The following YEATS2 variants were observed in gnomAD, a reference collection of about 807,000 sequenced individuals.
YEATS2 encodes the protein YEATS domain-containing protein 2.
In YEATS2, 77 loss-of-function variants were observed where a neutral mutation model predicts 163.2. The observed-to-expected ratio is 0.47, with a 90% confidence interval of 0.39 to 0.57. The LOEUF (loss-of-function observed/expected upper bound fraction) is 0.57, where lower values mean the gene tolerates loss of function less well. Ranked by LOEUF, YEATS2 falls within the 20% of genes least tolerant of loss-of-function variation. The probability of loss-of-function intolerance (pLI) is 0.00; values close to 1 mark genes in which losing one functional copy is unlikely to be tolerated. For synonymous variants in YEATS2, 631 were observed against 645.1 expected, an observed-to-expected ratio of 0.98 and a Z score of 0.33; for missense variants, 1,549 against 1,729.8, an observed-to-expected ratio of 0.90 and a Z score of 1.85.
At chr3:183,774,613 A>T (rs930193106) in intron 17 of YEATS2, among the ~76,000 whole-genome samples, 1 of 152,230 alleles carries the variant, frequency 6.6e-6, no homozygotes, top group Non-Finnish European at 1.5e-5. Context: ...GTTTATCTGC[A>T]GTTAAAGAAA....
chr3:183,758,782 GGGA>G, intron 12 of YEATS2, 77 bp from the exon 13 acceptor site: 3 of 949,784 alleles, frequency 3.2e-6, no homozygotes, highest in Non-Finnish European at 3.3e-6. Context: ...TGCGAAAGAG[GGGA>G]GGATGGTAGA....
chr3:183,770,160 G>A (rs536895679), intron 15 of YEATS2, among the ~76,000 whole-genome samples: 11 of 151,594 alleles, frequency 7.3e-5, no homozygotes, highest in Admixed American at 1.3e-4. Context: ...AGGCCGAGGC[G>A]GGCGGATCAC....
Position 183,790,789 on chromosome 3 carries a change from G to A in YEATS2, c.2914-8G>A, listed in dbSNP as rs370202265. 1.9e-6 allele frequency: 3 copies of A among 1,612,196 alleles called. No homozygotes were observed. The highest frequency in any genetic ancestry group is 2.7e-5 in the African/African-American group (2 of 74,880). ...AACTGTGTTGTTTCGGACCCCATGG[G>A]TGAGCAGTCTGAAGGAATGGCTCCC... On this transcript the variant is annotated splice_region_variant and splice_polypyrimidine_tract_variant and intron_variant, in intron 20 of 30. Transcript: ENST00000305135.
chr3:183,769,840 C>A (rs1176821503), intron 15 of YEATS2, among the ~76,000 whole-genome samples: 4 of 151,896 alleles, frequency 2.6e-5, no homozygotes, highest in Non-Finnish European at 4.4e-5. Flanking sequence ...TGCCCACCAC[C>A]ACGCCCAGCT....
chr3:183,756,770 A>G (rs902774438), intron 12 of YEATS2, 81 bp downstream of exon 12: 24 of 1,217,132 alleles, frequency 2.0e-5, no homozygotes, highest in African/African-American at 4.7e-5. Flanking sequence ...CTTGGTAGCC[A>G]TGTAATTGGA....
chr3:183,747,623 G>GT, intron 8 of YEATS2, 49 bp from the exon 9 acceptor site: 1 of 1,518,460 alleles, frequency 6.6e-7, no homozygotes, highest in Non-Finnish European at 9.1e-7. Flanking sequence ...ATGATAATAT[G>GT]TAAGTAAGTG....
Position 183,715,212 on chromosome 3 carries a change from A to C in YEATS2, c.50A>C (p.Asp17Ala), listed in dbSNP as rs759889936. 6.2e-7 allele frequency: 1 copy of C among 1,612,780 alleles called. No homozygotes were observed. Among genetic ancestry groups the C allele is most frequent in the South Asian group, 1.1e-5 (1 of 91,046 alleles). The change falls in exon 2 of 31, where the codon GAT becomes GCT. Residue 17 changes from aspartate (D) to alanine (A), a missense_variant. Physicochemically the swap from Asp to Ala is moderately radical, Grantham distance 126. Transcript: ENST00000305135. ...TIKETDPDYE[D>A]VSVALPNKRH... ...AAAGAAACCGACCCTGATTACGAGG[A>C]TGTATCTGTGGCCCTTCCAAATAAG...
intron 19 of YEATS2, among the ~76,000 whole-genome samples, chr3:183,780,028 A>G (rs377020074): frequency 2.9e-5 from 3 of 104,642 alleles, no homozygotes; most frequent in Non-Finnish European, 5.9e-5. Flanking sequence ...TTAATTTTTT[A>G]TCTTTCTGAC....
At chr3:183,700,791 AAGG>A (rs1713995018) in intron 1 of YEATS2, among the ~76,000 whole-genome samples, 1 of 149,932 alleles carries the variant, frequency 6.7e-6, no homozygotes, top group Admixed American at 6.7e-5. Context: ...AAAAAAAAAA[AAGG>A]CAGATACAAA....
chr3:183,756,040 C>T (rs919913658), intron 11 of YEATS2, among the ~76,000 whole-genome samples: 6 of 152,158 alleles, frequency 3.9e-5, no homozygotes, highest in African/African-American at 7.2e-5. Context: ...GCCACTGCAC[C>T]TGGTGTCTCA....
At chr3:183,752,333 A>G in intron 10 of YEATS2, 80 bp downstream of exon 10, 2 of 1,540,346 alleles carry the variant, frequency 1.3e-6, no homozygotes, top group East Asian at 2.3e-5. Context: ...CCTATAGTAT[A>G]TGGAAAATAA....
chr3:183,774,873 G>T (rs1045450967), intron 17 of YEATS2, among the ~76,000 whole-genome samples: 1 of 152,170 alleles, frequency 6.6e-6, no homozygotes, highest in South Asian at 2.1e-4. Flanking sequence ...AAAGTTAAAT[G>T]TGTAAGAAAA....
chr3:183,723,803 T>G (rs1211122687), intron 5 of YEATS2, among the ~76,000 whole-genome samples: 6 of 151,682 alleles, frequency 4.0e-5, no homozygotes, highest in African/African-American at 1.5e-4. Flanking sequence ...TCCCATCTAC[T>G]CGAGAGGCTG....
At chr3:183,740,600 C>T (rs940794021) in intron 8 of YEATS2, among the ~76,000 whole-genome samples, 2 of 152,228 alleles carry the variant, frequency 1.3e-5, no homozygotes, top group African/African-American at 4.8e-5. Context: ...CTCTTCAATT[C>T]TGTCAAGACT....
At chr3:183,738,391 C>CTTTTTTTTTT (rs1173865612) in intron 8 of YEATS2, among the ~76,000 whole-genome samples, 1 of 74,044 alleles carries the variant, frequency 1.4e-5, no homozygotes, top group African/African-American at 4.5e-5. Flanking sequence ...AGGAAAAGTT[C>CTTTTTTTTTT]TTTTTTTTTT....
chr3:183,744,641 T>G (rs1345899393), intron 8 of YEATS2, among the ~76,000 whole-genome samples: 1 of 152,226 alleles, frequency 6.6e-6, no homozygotes, highest in Non-Finnish European at 1.5e-5. Flanking sequence ...TTTTATTGTT[T>G]TGCTGTGTAT....
At chr3:183,792,587 G>A (rs1363336946) in intron 21 of YEATS2, among the ~76,000 whole-genome samples, 2 of 151,974 alleles carry the variant, frequency 1.3e-5, no homozygotes, top group African/African-American at 2.4e-5. Context: ...GCATGATCTC[G>A]GCTCACTGCA....
chr3:183,728,390 T>G (rs1384841718), intron 6 of YEATS2, among the ~76,000 whole-genome samples: 1 of 152,252 alleles, frequency 6.6e-6, no homozygotes, highest in Non-Finnish European at 1.5e-5. Context: ...TGATGGGGTC[T>G]TGCTATGTTG....
At chr3:183,759,213 A>G (rs1721089797) in intron 13 of YEATS2, among the ~76,000 whole-genome samples, 1 of 152,174 alleles carries the variant, frequency 6.6e-6, no homozygotes, top group Non-Finnish European at 1.5e-5. Context: ...TTGATGACGC[A>G]AATTTCATAA....
Sources: gnomAD v4.1 joint callset for allele counts (sites outside exome capture counted in the v4.1 genomes callset) on GRCh38, gnomAD v4.1.1 for gene constraint, MANE v1.5 for transcripts, NCBI Gene and HGNC (gene_info 2026-07-23, HGNC 2026-07-21) for gene names.